CHCHD6: variants seen among roughly 807,000 people sequenced by gnomAD.
CHCHD6 encodes coiled-coil-helix-coiled-coil-helix domain containing 6.
A neutral mutation model predicts 32.3 loss-of-function variants in CHCHD6; 28 were observed. That is an observed-to-expected ratio of 0.87 (90% CI 0.64 to 1.19). CHCHD6 has a LOEUF of 1.19. CHCHD6 is among the 50% of genes most tolerant of loss of function. The pLI is 0.00. For missense variants in CHCHD6, 333 were observed against 307.0 expected (o/e 1.08, Z -0.63); for synonymous variants, 122 against 117.5 (o/e 1.04, Z -0.25).
chr3:126,840,260 T>C (rs1446900868), intron 4 of CHCHD6, among the ~76,000 whole-genome samples: 1 of 127,502 alleles, frequency 7.8e-6, no homozygotes, highest in African/African-American at 3.0e-5. Context: ...CTGCCTGCTG[T>C]TGGACACAGA....
chr3:126,876,084 A>G (rs2077535513), intron 5 of CHCHD6, among the ~76,000 whole-genome samples: 1 of 152,264 alleles, frequency 6.6e-6, no homozygotes, highest in Non-Finnish European at 1.5e-5. Context: ...CTGGCCTAGA[A>G]TAATGGCTAA....
chr3:126,888,774 G>A (rs1002545196), intron 5 of CHCHD6, among the ~76,000 whole-genome samples: 2 of 152,166 alleles, frequency 1.3e-5, no homozygotes, highest in Non-Finnish European at 2.9e-5. Flanking sequence ...AGCAGTGCTC[G>A]TTTTCCCGTG....
chr3:126,805,380 A>G (rs1939314858), intron 4 of CHCHD6, among the ~76,000 whole-genome samples: 1 of 152,096 alleles, frequency 6.6e-6, no homozygotes, highest in African/African-American at 2.4e-5. Flanking sequence ...AATGTGCAAA[A>G]GTCACAAGCA....
At chr3:126,871,991 A>G (rs1254855219) in intron 5 of CHCHD6, among the ~76,000 whole-genome samples, 1 of 152,064 alleles carries the variant, frequency 6.6e-6, no homozygotes, top group Admixed American at 6.6e-5. Context: ...AAGATCATCC[A>G]TCATTGTATT....
intron 4 of CHCHD6, among the ~76,000 whole-genome samples, chr3:126,815,654 C>A (rs552704609): frequency 2.0e-5 from 3 of 147,770 alleles, no homozygotes; most frequent in Non-Finnish European, 3.0e-5. Context: ...CCCCCCCCCC[C>A]CCATCTGTGT....
At chr3:126,708,566 T>C (rs1268525221) in intron 1 of CHCHD6, among the ~76,000 whole-genome samples, 2 of 149,852 alleles carry the variant, frequency 1.3e-5, no homozygotes, top group African/African-American at 4.9e-5. Flanking sequence ...TATGTACCTG[T>C]AGTCCCAGCT....
chr3:126,787,244 G>A (rs1215398378), intron 4 of CHCHD6, among the ~76,000 whole-genome samples: 7 of 152,232 alleles, frequency 4.6e-5, no homozygotes, highest in Non-Finnish European at 8.8e-5. Context: ...AGTATAGTTT[G>A]AAGTCAGGTA....
intron 5 of CHCHD6, among the ~76,000 whole-genome samples, chr3:126,855,805 A>G (rs1156494327): frequency 2.0e-5 from 3 of 152,182 alleles, no homozygotes; most frequent in Non-Finnish European, 4.4e-5. Flanking sequence ...TTGAGAGCTC[A>G]AACAAGAGCC....
intron 5 of CHCHD6, among the ~76,000 whole-genome samples, chr3:126,858,191 A>C (rs545501134): frequency 6.5e-4 from 99 of 152,070 alleles, no homozygotes; most frequent in Non-Finnish European, 2.2e-4. Flanking sequence ...CTGTGATTCC[A>C]TCTACAGAAG....
chr3:126,767,419 G>GGT (rs1937420524), intron 4 of CHCHD6: 1 of 728,494 alleles, frequency 1.4e-6, no homozygotes, highest in African/African-American at 1.7e-5. Flanking sequence ...CTACTCTCTT[G>GGT]GTGTCACCAT....
At chr3:126,739,355 T>C (rs1208463197) in intron 4 of CHCHD6, among the ~76,000 whole-genome samples, 3 of 152,176 alleles carry the variant, frequency 2.0e-5, no homozygotes, top group Non-Finnish European at 4.4e-5. Flanking sequence ...TTGTTGTTGT[T>C]GTTGTTACAA....
At chr3:126,850,264 A>G (rs1941426818) in intron 4 of CHCHD6, among the ~76,000 whole-genome samples, 1 of 152,224 alleles carries the variant, frequency 6.6e-6, no homozygotes. Flanking sequence ...CGGAGTTTTC[A>G]TTCAAGTGGG....
chr3:126,897,181 G>T (rs1227743643), intron 5 of CHCHD6, among the ~76,000 whole-genome samples: 2 of 152,122 alleles, frequency 1.3e-5, no homozygotes, highest in Non-Finnish European at 2.9e-5. Context: ...CACTCCCCAG[G>T]GTCCCACAGA....
intron 5 of CHCHD6, among the ~76,000 whole-genome samples, chr3:126,903,317 G>T (rs922915617): frequency 6.6e-6 from 1 of 152,178 alleles, no homozygotes; most frequent in Admixed American, 6.5e-5. Context: ...CTGAGCAGCC[G>T]CACTGGATCC....
intron 4 of CHCHD6, among the ~76,000 whole-genome samples, chr3:126,844,607 T>C (rs1381151057): frequency 1.3e-5 from 2 of 152,232 alleles, no homozygotes; most frequent in African/African-American, 4.8e-5. Flanking sequence ...ATTTAAAAGC[T>C]ATTTCTTATT....
chr3:126,707,329 A>G (rs2107648231), intron 1 of CHCHD6, among the ~76,000 whole-genome samples: 1 of 152,264 alleles, frequency 6.6e-6, no homozygotes, highest in East Asian at 1.9e-4. Context: ...GCATAAATTC[A>G]CAAAGTGTGT....
At chr3:126,800,224 G>C (rs1938999165) in intron 4 of CHCHD6, among the ~76,000 whole-genome samples, 1 of 152,174 alleles carries the variant, frequency 6.6e-6, no homozygotes, top group East Asian at 1.9e-4. Context: ...TGAGACTTGA[G>C]GGCATCTGGG....
chr3:126,779,690 A>G (rs1014149053), intron 4 of CHCHD6, among the ~76,000 whole-genome samples: 3 of 152,178 alleles, frequency 2.0e-5, no homozygotes, highest in Non-Finnish European at 4.4e-5. Context: ...TCCCAGCACT[A>G]TTTGTTGAAA....
intron 5 of CHCHD6, among the ~76,000 whole-genome samples, chr3:126,854,607 C>T (rs1303384565): frequency 6.6e-6 from 1 of 152,210 alleles, no homozygotes; most frequent in Admixed American, 6.5e-5. Context: ...ATTCCACTTT[C>T]ATTTGTTGAA....
Sources: allele counts gnomAD v4.1 joint callset (sites outside exome capture counted in the v4.1 genomes callset), GRCh38; gene constraint gnomAD v4.1.1; transcripts MANE v1.5; gene names NCBI Gene and HGNC (gene_info 2026-07-23, HGNC 2026-07-21).